ABLIM2: variants seen among roughly 807,000 people sequenced by gnomAD.
ABLIM2 encodes the protein actin-binding LIM protein 2.
In ABLIM2, 53 loss-of-function variants were observed where a neutral mutation model predicts 97.7. The ratio of observed to expected loss-of-function variants is 0.54; its 90% CI spans 0.44 to 0.68. The LOEUF (loss-of-function observed/expected upper bound fraction) is 0.68, where lower values mean the gene tolerates loss of function less well. Among genes scored for constraint, ABLIM2 ranks in the 30% least tolerant of loss-of-function variants. The probability of loss-of-function intolerance (pLI) is 0.00; values close to 1 mark genes in which losing one functional copy is unlikely to be tolerated. For synonymous variants in ABLIM2, 361 were observed against 345.8 expected (o/e 1.04, Z -0.49); for missense variants, 835 against 867.2 (o/e 0.96, Z 0.47).
In ABLIM2 at chr4:8,148,066, G is replaced by C. The variant is rs1199324911; in HGVS notation, c.10+10614C>G. ...GAGGCCCAGGTGGGCAGGCAACAAG[G>C]GATAGTGGCCCGACCTTGCTGGGGG... On this transcript the variant is annotated intron_variant, in intron 1 of 20. Coordinates refer to ENST00000447017, the MANE Select transcript of ABLIM2 (RefSeq NM_001130083.2). The surrounding 1 kb of genome is among the most constrained non-coding windows in gnomAD (Gnocchi z 6.7). 6.6e-6 allele frequency among the ~76,000 whole-genome samples: 1 copy of C among 152,238 alleles called. No homozygotes were observed. The highest frequency in any genetic ancestry group is 2.4e-5 in the African/African-American group (1 of 41,460).
rs1033313506 is a variant in ABLIM2 at position 8,072,235 on chromosome 4, A to G, written c.675+5393T>C. On this transcript the variant is annotated intron_variant, in intron 6 of 20. Transcript: ENST00000447017. This position sits in a 1 kb window ranked among gnomAD's most constrained non-coding sequence, Gnocchi z 5.8. ...GTTCCTTCCCGATGAACCAGGGCGC[A>G]CCCCAAATTCTGTATTTGGCATTAA... Among the ~76,000 whole-genome samples, 8 of 152,202 alleles carry G rather than the reference A, an allele frequency of 5.3e-5. No homozygotes were observed. The highest frequency in any genetic ancestry group is 7.3e-5 in the Non-Finnish European group (5 of 68,042).
At chr4:8,107,049 G>A (rs982172525) in intron 1 of ABLIM2, among the ~76,000 whole-genome samples, 1 of 152,244 alleles carries the variant, frequency 6.6e-6, no homozygotes, top group African/African-American at 2.4e-5. Context: ...ACCCCTCTGT[G>A]AGCTCAGTAA....
At chr4:8,126,510 C>T (rs900294817) in intron 1 of ABLIM2, among the ~76,000 whole-genome samples, 1 of 151,456 alleles carries the variant, frequency 6.6e-6, no homozygotes, top group Non-Finnish European at 1.5e-5. Flanking sequence ...TTTGCCATCA[C>T]CTTCACCCCA....
rs921035832 is a variant in ABLIM2 at position 8,019,999 on chromosome 4, G to C, written c.1369+203C>G. Reference sequence around the variant, plus strand: ...CCCTGCCGTTTGTGGGAATTTGGAAGAAACTCAAACACACATCGGTTTGGG... The same window carrying C: ...CCCTGCCGTTTGTGGGAATTTGGAACAAACTCAAACACACATCGGTTTGGG... On this transcript the variant is annotated intron_variant, in intron 13 of 20. Transcript: ENST00000447017. This position sits in a 1 kb window ranked among gnomAD's most constrained non-coding sequence, Gnocchi z 4.3. 1.3e-5 allele frequency among the ~76,000 whole-genome samples: 2 copies of C among 152,154 alleles called. No individual in the cohort carries two copies. Among genetic ancestry groups the C allele is most frequent in the Non-Finnish European group, 2.9e-5 (2 of 68,030 alleles).
rs376732066 is a variant in ABLIM2, at chr4:8,097,083, G to A, written c.338+16C>T. 21 of 1,594,176 alleles carry A rather than the reference G, an allele frequency of 1.3e-5. No homozygotes were observed. In the African/African-American group the frequency reaches 1.9e-4, roughly 14 times the overall value. On this transcript the variant is annotated intron_variant, in intron 3 of 20. Coordinates refer to ENST00000447017, the MANE Select transcript of ABLIM2 (RefSeq NM_001130083.2). The stretch of plus-strand genomic sequence containing the variant: ...GAGAGGCAGGGGAAGCAGAGGCCAG[G>A]TGCCCACTTACTCACCGGCAGACGG...
rs557331814 is a variant in ABLIM2 at position 8,085,916 on chromosome 4, C to A, written c.454+2253G>T. 7.2e-6 allele frequency among the ~76,000 whole-genome samples: 1 copy of A among 138,124 alleles called. No individual in the cohort carries two copies. Among genetic ancestry groups the A allele is most frequent in the East Asian group, 2.2e-4 (1 of 4,576 alleles). 90.6% of individuals were successfully genotyped at this position (138,124 alleles called of 152,430 possible). ...TTGGAGTTGAAAGGCCTTGGCCCAC[C>A]CCTCGGCACTTCCGCCCCCTGATGG... On this transcript the variant is annotated intron_variant, in intron 4 of 20. Coordinates refer to ENST00000447017, the MANE Select transcript of ABLIM2 (RefSeq NM_001130083.2). This position sits in a 1 kb window ranked among gnomAD's most constrained non-coding sequence, Gnocchi z 6.1.
chr4:8,001,497 T>C lies in ABLIM2; in HGVS notation c.1618+6562A>G, dbSNP rs1757170392. On this transcript the variant is annotated intron_variant, in intron 16 of 20. Transcript: ENST00000447017. This position sits in a 1 kb window ranked among gnomAD's most constrained non-coding sequence, Gnocchi z 4.2. ...CCTGGGGCCACTGTCCTCGGGGTGG[T>C]GTATACCTCCAGCCACAGCATCTTC... Among the ~76,000 whole-genome samples the C allele has an allele frequency of 6.6e-6, 1 of 152,034 alleles. No individual in the cohort carries two copies. Among genetic ancestry groups the C allele is most frequent in the African/African-American group, 2.4e-5 (1 of 41,396 alleles).
chr4:8,154,889 T>C (rs565047238), intron 1 of ABLIM2, among the ~76,000 whole-genome samples: 57 of 152,320 alleles, frequency 3.7e-4, no homozygotes, highest in African/African-American at 1.2e-3. Flanking sequence ...CTCGCAATCA[T>C]GGCGGAAGAC....
intron 20 of ABLIM2, among the ~76,000 whole-genome samples, chr4:7,980,803 T>C (rs1476695046): frequency 2.0e-5 from 3 of 152,070 alleles, no homozygotes; most frequent in African/African-American, 7.2e-5. Context: ...GCTCTTTTTC[T>C]GATCCTGAAG....
Position 8,140,651 on chromosome 4 carries a change from T to C in ABLIM2, c.10+18029A>G, listed in dbSNP as rs918568958. ...CTACTGATGATGGAAGCAATGATGA[T>C]AAAATCGACCCCAGAGAATACACAA... On this transcript the variant is annotated intron_variant, in intron 1 of 20. Coordinates refer to ENST00000447017, the MANE Select transcript of ABLIM2 (RefSeq NM_001130083.2). The surrounding 1 kb of genome is among the most constrained non-coding windows in gnomAD (Gnocchi z 5.9). Among the ~76,000 whole-genome samples the C allele has an allele frequency of 6.6e-6, 1 of 151,912 alleles. No homozygotes were observed. The highest frequency in any genetic ancestry group is 1.5e-5 in the Non-Finnish European group (1 of 67,982).
At chr4:8,049,201 C>T (rs935516386) in intron 8 of ABLIM2, among the ~76,000 whole-genome samples, 1 of 152,254 alleles carries the variant, frequency 6.6e-6, no homozygotes, top group African/African-American at 2.4e-5. Flanking sequence ...GTCTTATTCA[C>T]CTCTATGTTC....
intron 5 of ABLIM2, among the ~76,000 whole-genome samples, chr4:8,078,404 T>C (rs915755744): frequency 6.6e-6 from 1 of 152,264 alleles, no homozygotes; most frequent in Non-Finnish European, 1.5e-5. Context: ...TGGTGTCGAA[T>C]GCCCATCATC....
chr4:8,121,337 G>C (rs920905410), intron 1 of ABLIM2, among the ~76,000 whole-genome samples: 4 of 152,254 alleles, frequency 2.6e-5, no homozygotes, highest in African/African-American at 9.6e-5. Flanking sequence ...GCAGACGCCA[G>C]CCCAGCTCCT....
intron 8 of ABLIM2, among the ~76,000 whole-genome samples, chr4:8,053,961 T>G (rs949631772): frequency 6.6e-6 from 1 of 152,182 alleles, no homozygotes; most frequent in African/African-American, 2.4e-5. Flanking sequence ...TTGCCTGTGG[T>G]ATTCTGTGAT....
At chr4:8,013,770 G>A (rs1339247015) in intron 14 of ABLIM2, among the ~76,000 whole-genome samples, 2 of 152,188 alleles carry the variant, frequency 1.3e-5, no homozygotes, top group Admixed American at 6.5e-5. Flanking sequence ...ACTTTCCCAC[G>A]GAGCAGCTGA....
chr4:8,026,060 T>G (rs1361887441), intron 12 of ABLIM2, among the ~76,000 whole-genome samples: 3 of 152,130 alleles, frequency 2.0e-5, no homozygotes. Flanking sequence ...CAGGCTGGAG[T>G]GCAGTGGCAC....
rs16841624 is a variant in ABLIM2 at position 8,061,103 on chromosome 4, C to T, written c.676-49G>A. On this transcript the variant is annotated intron_variant, in intron 6 of 20. Transcript: ENST00000447017. The surrounding 1 kb of genome is among the most constrained non-coding windows in gnomAD (Gnocchi z 4.5). Reference sequence around the variant, plus strand: ...ATGTTTCTACTAAAGCCAGAAAGGTCGGCTGGGTCCCAGCGCCCGGCATGG... The same window carrying T: ...ATGTTTCTACTAAAGCCAGAAAGGTTGGCTGGGTCCCAGCGCCCGGCATGG... 0.16 allele frequency: 246,666 copies of T among 1,523,020 alleles called. 21,644 individuals are homozygous for T. The highest frequency in any genetic ancestry group is 0.29 in the East Asian group (11,996 of 40,802). The allele number at this position is 1,523,020 out of a possible 1,614,324, so 94.3% of individuals were successfully genotyped here. A position where few individuals can be genotyped will look rare whatever the true frequency, so the allele number is the denominator to read the frequency against.
intron 3 of ABLIM2, among the ~76,000 whole-genome samples, chr4:8,096,370 C>T (rs1282204099): frequency 6.6e-6 from 1 of 152,144 alleles, no homozygotes; most frequent in East Asian, 1.9e-4. Flanking sequence ...GAGATGTCAA[C>T]CCTCATCTCT....
chr4:8,059,900 C>G (rs973521647), intron 7 of ABLIM2, among the ~76,000 whole-genome samples: 1 of 112,596 alleles, frequency 8.9e-6, no homozygotes, highest in Non-Finnish European at 1.7e-5. Context: ...GAGCAAGACT[C>G]TGTTTCAAAA....
Sources: gnomAD v4.1 joint callset for allele counts (sites outside exome capture counted in the v4.1 genomes callset) on GRCh38, gnomAD v4.1.1 for gene constraint, Gnocchi (gnomAD v3.1) non-coding constraint, MANE v1.5 for transcripts, NCBI Gene and HGNC (gene_info 2026-07-23, HGNC 2026-07-21) for gene names.